The following CMTM8 variants were observed in gnomAD, a reference collection of about 807,000 sequenced individuals.
The protein encoded by CMTM8 is CKLF like MARVEL transmembrane domain containing 8, also known as CKLF-like MARVEL transmembrane domain-containing protein 8.
CMTM8 carries 12 observed loss-of-function variants against 18.6 expected under a neutral mutation model. The ratio of observed to expected loss-of-function variants is 0.65; its 90% CI spans 0.41 to 1.05. CMTM8 has a LOEUF of 1.05. Among genes scored for constraint, CMTM8 ranks in the 50% least tolerant of loss-of-function variants. The probability of loss-of-function intolerance (pLI) is 0.00; values close to 1 mark genes in which losing one functional copy is unlikely to be tolerated. For synonymous variants in CMTM8, 87 were observed against 90.6 expected (o/e 0.96, Z 0.23); for missense variants, 217 against 227.2 (o/e 0.95, Z 0.29).
At chr3:32,251,524 G>A (rs1702110566) in intron 1 of CMTM8, among the ~76,000 whole-genome samples, 1 of 151,486 alleles carries the variant, frequency 6.6e-6, no homozygotes, top group African/African-American at 2.4e-5. Flanking sequence ...ATGTTGCCCA[G>A]ATTGGTCTTG....
upstream of CMTM8, chr3:32,238,595 C>A (rs957317591): frequency 1.9e-5 from 3 of 160,848 alleles, no homozygotes; most frequent in African/African-American, 7.2e-5. Context: ...GTGAAGAGGG[C>A]GGGCGTCCGC....
intron 1 of CMTM8, among the ~76,000 whole-genome samples, chr3:32,319,080 T>A (rs1404522747): frequency 3.5e-4 from 17 of 48,070 alleles, no homozygotes; most frequent in East Asian, 1.7e-3. Context: ...ATATATTTTT[T>A]TTTTTTTTTT....
At chr3:32,262,384 T>C (rs1702270762) in intron 1 of CMTM8, among the ~76,000 whole-genome samples, 1 of 152,212 alleles carries the variant, frequency 6.6e-6, no homozygotes, top group South Asian at 2.1e-4. Flanking sequence ...GAACCTGAGC[T>C]GTGGTCCAGC....
At chr3:32,362,145 A>G (rs1396879433) in intron 2 of CMTM8, among the ~76,000 whole-genome samples, 2 of 143,440 alleles carry the variant, frequency 1.4e-5, no homozygotes, top group Non-Finnish European at 3.0e-5. Context: ...GGTTCAAACA[A>G]TTCTCCTGCT....
In CMTM8 at chr3:32,363,165, G is replaced by A. The variant is rs555151603; in HGVS notation, c.322-4707G>A. On this transcript the variant is annotated intron_variant, in intron 2 of 3. Coordinates refer to ENST00000307526, the MANE Select transcript of CMTM8 (RefSeq NM_178868.5). ...GGTAGGTTTAATCCCTATAAGAGAG[G>A]TCCAAAACAACATTGGTTTAAAACT... Among the ~76,000 whole-genome samples the A allele has an allele frequency of 8.5e-5, 13 of 152,268 alleles. No individual in the cohort carries two copies. In the South Asian group the frequency reaches 2.5e-3, roughly 29 times the overall value.
At chr3:32,361,113 C>G (rs1480014800) in intron 2 of CMTM8, among the ~76,000 whole-genome samples, 2 of 152,158 alleles carry the variant, frequency 1.3e-5, no homozygotes, top group Non-Finnish European at 2.9e-5. Context: ...TCCCGCGTAG[C>G]TGGGATTAAA....
At chr3:32,277,303 A>C (rs1221797029) in intron 1 of CMTM8, among the ~76,000 whole-genome samples, 1 of 152,212 alleles carries the variant, frequency 6.6e-6, no homozygotes, top group Non-Finnish European at 1.5e-5. Context: ...GCTGTGGGCA[A>C]GTAAGGCCCC....
At chr3:32,274,760 T>C (rs1202543730) in intron 1 of CMTM8, among the ~76,000 whole-genome samples, 1 of 152,216 alleles carries the variant, frequency 6.6e-6, no homozygotes, top group African/African-American at 2.4e-5. Context: ...CATGTCTTCT[T>C]TAGTGTCCTT....
At position 32,308,881 on chromosome 3, in the gene CMTM8, A is replaced by G. The variant is rs76203289; in HGVS notation, c.148-48492A>G. The stretch of plus-strand genomic sequence containing the variant: ...GGTTCAAAACTCAGAATTTGGGGTC[A>G]CAGCAGCCCTACCATTAGAGATGCT... On this transcript the variant is annotated intron_variant, in intron 1 of 3. Coordinates refer to ENST00000307526, the MANE Select transcript of CMTM8 (RefSeq NM_178868.5). 4.7e-3 allele frequency among the ~76,000 whole-genome samples: 713 copies of G among 152,306 alleles called. 6 individuals carry two copies. The highest frequency in any genetic ancestry group is 0.016 in the African/African-American group (685 of 41,568).
intron 1 of CMTM8, among the ~76,000 whole-genome samples, chr3:32,337,998 A>T (rs7647797): frequency 0.92 from 126,874 of 138,194 alleles, 57,996 homozygotes; most frequent in Admixed American, 0.96. Context: ...TTTTTTTTTT[A>T]AATTGAGATG....
intron 1 of CMTM8, among the ~76,000 whole-genome samples, chr3:32,274,646 G>A (rs1275263457): frequency 6.6e-6 from 1 of 152,010 alleles, no homozygotes; most frequent in Admixed American, 6.6e-5. Flanking sequence ...TAACCACAGT[G>A]TAACTATCAT....
intron 1 of CMTM8, among the ~76,000 whole-genome samples, chr3:32,345,058 G>T (rs993169753): frequency 6.6e-6 from 1 of 152,072 alleles, no homozygotes; most frequent in Admixed American, 6.5e-5. Flanking sequence ...AATTTCTTCA[G>T]GCTGGGCATG....
chr3:32,293,480 G>A (rs552796370), intron 1 of CMTM8, among the ~76,000 whole-genome samples: 211 of 152,318 alleles, frequency 1.4e-3, no homozygotes, highest in African/African-American at 4.6e-3. Flanking sequence ...TCCGGGAGGC[G>A]GAGGTTGCAG....
rs191271217 is a variant in CMTM8, at chr3:32,353,942, G to A, written c.148-3431G>A. ...TGGGACTACAGGCAGGTACCACGAC[G>A]CCCAGCTAATTTTTGTATTTTTAGT... On this transcript the variant is annotated intron_variant, in intron 1 of 3. Transcript: ENST00000307526. 1.4e-3 allele frequency among the ~76,000 whole-genome samples: 207 copies of A among 151,846 alleles called. 2 individuals are homozygous for A. The highest frequency in any genetic ancestry group is 3.7e-3 in the Admixed American group (57 of 15,238).
chr3:32,302,862 A>T (rs1446815332), intron 1 of CMTM8, among the ~76,000 whole-genome samples: 1 of 152,238 alleles, frequency 6.6e-6, no homozygotes, highest in Non-Finnish European at 1.5e-5. Flanking sequence ...GACCCATGGC[A>T]TGAAGAGATT....
At chr3:32,300,153 A>G (rs1404006007) in intron 1 of CMTM8, among the ~76,000 whole-genome samples, 2 of 152,234 alleles carry the variant, frequency 1.3e-5, no homozygotes, top group South Asian at 2.1e-4. Context: ...TTGATGATGA[A>G]TGGATAGCTG....
At chr3:32,280,846 CAAAAAAAA>C (rs60845487) in intron 1 of CMTM8, among the ~76,000 whole-genome samples, 37 of 68,140 alleles carry the variant, frequency 5.4e-4, no homozygotes, top group Admixed American at 8.9e-4. Context: ...AGAAAATAGG[CAAAAAAAA>C]AAAAAAAAAA....
In CMTM8 at chr3:32,353,045, G is replaced by A. The variant is rs536086422; in HGVS notation, c.148-4328G>A. Among the ~76,000 whole-genome samples the A allele has an allele frequency of 6.6e-5, 10 of 152,322 alleles. No individual in the cohort carries two copies. In the South Asian group the frequency reaches 2.1e-3, roughly 32 times the overall value. On this transcript the variant is annotated intron_variant, in intron 1 of 3. Transcript: ENST00000307526. Reference sequence around the variant, plus strand: ...ACCCAGGCTCTGCGCCTGTGCTGGAGTATAGTGGTGCAATCTCAGCTCACT... The same window carrying A: ...ACCCAGGCTCTGCGCCTGTGCTGGAATATAGTGGTGCAATCTCAGCTCACT...
chr3:32,347,275 G>T (rs1275911221), intron 1 of CMTM8, among the ~76,000 whole-genome samples: 4 of 134,518 alleles, frequency 3.0e-5, no homozygotes, highest in East Asian at 2.4e-4. Flanking sequence ...TTGTTTTTTG[G>T]TTTTTGGTTT....
Sources: gnomAD v4.1 joint callset for allele counts (sites outside exome capture counted in the v4.1 genomes callset) on GRCh38, gnomAD v4.1.1 for gene constraint, MANE v1.5 for transcripts, NCBI Gene and HGNC (gene_info 2026-07-23, HGNC 2026-07-21) for gene names.